Variants in ZNF490 observed in about 807,000 individuals in gnomAD.
The protein encoded by ZNF490 is zinc finger protein 490.
ZNF490 carries 11 observed loss-of-function variants against 17.7 expected under a neutral mutation model. The observed-to-expected ratio is 0.62, with a 90% CI of 0.39 to 1.03. The LOEUF (loss-of-function observed/expected upper bound fraction) is 1.03, where lower values mean the gene tolerates loss of function less well. ZNF490 is among the 50% of genes least tolerant of loss of function. ZNF490 has a pLI of 0.00. For synonymous variants in ZNF490, 222 were observed against 216.1 expected, an observed-to-expected ratio of 1.03 and a Z score of -0.24; for missense variants, 542 against 643.4, an observed-to-expected ratio of 0.84 and a Z score of 1.71.
At chr19:12,582,698 A>G (rs559660299) in intron 4 of ZNF490, 152 bp downstream of exon 4, 3 of 739,780 alleles carry the variant, frequency 4.1e-6, no homozygotes, top group South Asian at 1.5e-5. Context: ...CTGGCTGCCC[A>G]TGACAGTTTC....
At chr19:12,601,948 C>T (rs540106465) in intron 2 of ZNF490, among the ~76,000 whole-genome samples, 3 of 150,586 alleles carry the variant, frequency 2.0e-5, no homozygotes, top group East Asian at 4.0e-4. Flanking sequence ...GAGCCGAGAT[C>T]GCACCACTGC....
At chr19:12,608,885 C>T (rs2023105281) in intron 2 of ZNF490, among the ~76,000 whole-genome samples, 7 of 152,084 alleles carry the variant, frequency 4.6e-5, no homozygotes, top group Admixed American at 4.6e-4. Flanking sequence ...GCCAGGATTA[C>T]AGGCATGAGC....
At chr19:12,592,946 A>T (rs2022889692) in intron 2 of ZNF490, among the ~76,000 whole-genome samples, 1 of 152,234 alleles carries the variant, frequency 6.6e-6, no homozygotes, top group Non-Finnish European at 1.5e-5. Context: ...TGAATGAAAC[A>T]TACAACCTTT....
chr19:12,591,041 T>C (rs547643308), intron 2 of ZNF490, among the ~76,000 whole-genome samples: 1 of 151,806 alleles, frequency 6.6e-6, no homozygotes, highest in African/African-American at 2.4e-5. Context: ...TGACCTTGGG[T>C]TTGATGATGA....
chr19:12,590,070 AC>A (rs2022850908), intron 2 of ZNF490, among the ~76,000 whole-genome samples: 1 of 151,606 alleles, frequency 6.6e-6, no homozygotes, highest in African/African-American at 2.4e-5. Flanking sequence ...ATGTGCCACC[AC>A]GCCCCGCTAA....
At chr19:12,583,793 A>C (rs12327779) in intron 2 of ZNF490, among the ~76,000 whole-genome samples, 4,211 of 86,492 alleles carry the variant, frequency 0.049, 134 homozygotes, top group East Asian at 0.27. Context: ...CTCTCTCTCT[A>C]TATATATATA....
Position 12,610,641 on chromosome 19 carries a change from G to A in ZNF490, c.40C>T (p.Pro14Ser). The stretch of plus-strand genomic sequence containing the variant: ...TTGCTCTGGACTTGCTCCTCGAGGG[G>A]TCGCTCCATCTGGAAACTGAGACTG... Reference protein sequence around the residue: ...NSSLSFQMERPLEEQVQSKWS... With the variant: ...NSSLSFQMERSLEEQVQSKWS... Residue 14 changes from proline (P) to serine (S), a missense_variant, in exon 1 of 5, where the codon CCC (proline) becomes TCC (serine). Coordinates refer to ENST00000311437, the MANE Select transcript of ZNF490 (RefSeq NM_020714.3). The A allele has an allele frequency of 6.2e-7, 1 of 1,613,918 alleles. No individual in the cohort carries two copies. Among genetic ancestry groups the A allele is most frequent in the Non-Finnish European group, 8.5e-7 (1 of 1,180,000 alleles).
At position 12,580,933 on chromosome 19, in the gene ZNF490, T is replaced by C; in HGVS notation, c.1142A>G (p.Glu381Gly). The change falls in exon 5 of 5, where the codon GAA (glutamate) becomes GGA (glycine). Residue 381 changes from glutamate (E) to glycine (G), a missense_variant. By Grantham distance (98) the Glu-to-Gly change is moderately conservative. Coordinates refer to ENST00000311437, the MANE Select transcript of ZNF490 (RefSeq NM_020714.3). ...FKSSSSCEVH[E>G]RTHFGEKPYE... ...GGGTTTTTCTCCAAAATGAGTTCTT[T>C]CGTGCACTTCACAGGAACTAGATGA... The C allele has an allele frequency of 1.9e-6, 3 of 1,614,224 alleles. No individual in the cohort carries two copies. The highest frequency in any genetic ancestry group is 1.7e-6 in the Non-Finnish European group (2 of 1,180,036).
At chr19:12,607,525 A>C (rs765964405) in intron 2 of ZNF490, among the ~76,000 whole-genome samples, 8 of 151,970 alleles carry the variant, frequency 5.3e-5, no homozygotes, top group Non-Finnish European at 1.2e-4. Context: ...ATAGTAATAC[A>C]ATATAATAAC....
rs2022649882 is a variant in ZNF490 at position 12,576,964 on chromosome 19, C to T, written c.*3521G>A. Among the ~76,000 whole-genome samples the T allele has an allele frequency of 6.6e-6, 1 of 151,988 alleles. No homozygotes were observed. Among genetic ancestry groups the T allele is most frequent in the African/African-American group, 2.4e-5 (1 of 41,346 alleles). On this transcript the variant is annotated 3_prime_UTR_variant, in exon 5 of 5. Transcript: ENST00000311437. ...GGACAGACACAAATTCACAAACCCA[C>T]AGGTGTAACAGCCCAGATACTAAAA...
Position 12,578,546 on chromosome 19 carries a change from C to T in ZNF490, c.*1939G>A, listed in dbSNP as rs537735250. The T allele has an allele frequency of 3.0e-6, 3 of 985,420 alleles. No individual in the cohort carries two copies. Among genetic ancestry groups the T allele is most frequent in the East Asian group, 2.3e-4 (2 of 8,818 alleles). 61.0% of individuals were successfully genotyped at this position (985,420 alleles called of 1,614,324 possible). On this transcript the variant is annotated 3_prime_UTR_variant, in exon 5 of 5. Coordinates refer to ENST00000311437, the MANE Select transcript of ZNF490 (RefSeq NM_020714.3). ...AGATGGGAAATGGAGCTGGAGATGA[C>T]CTCAAAACAGCCCTGGAATAATGCA... is the stretch of plus-strand genomic sequence containing the variant.
chr19:12,588,198 C>A (rs1305628338), intron 2 of ZNF490, among the ~76,000 whole-genome samples: 1 of 151,946 alleles, frequency 6.6e-6, no homozygotes, highest in Admixed American at 6.6e-5. Flanking sequence ...AGGGTTTCAC[C>A]ACGTTGGTTA....
chr19:12,606,759 A>G (rs2023072850), intron 2 of ZNF490, among the ~76,000 whole-genome samples: 1 of 152,202 alleles, frequency 6.6e-6, no homozygotes, highest in Admixed American at 6.5e-5. Flanking sequence ...AAGGCCTAAA[A>G]GTCCATGACC....
rs565141406 is a variant in ZNF490 at position 12,578,908 on chromosome 19, T to C, written c.*1577A>G. On this transcript the variant is annotated 3_prime_UTR_variant, in exon 5 of 5. Coordinates refer to ENST00000311437, the MANE Select transcript of ZNF490 (RefSeq NM_020714.3). The stretch of plus-strand genomic sequence containing the variant: ...AGATGTCATTGAAGATGTTCCCATA[T>C]TGCTTACATTTAAGAAGGTGGCTCT... The C allele has an allele frequency of 2.6e-5, 26 of 985,436 alleles. No individual in the cohort carries two copies. The South Asian group carries it at 1.2e-3, about 46-fold the overall frequency. The allele number at this position is 985,436 out of a possible 1,614,324, so 61.0% of individuals were successfully genotyped here. A position where few individuals can be genotyped will look rare whatever the true frequency, so the allele number is the denominator to read the frequency against.
intron 1 of ZNF490, 142 bp from the exon 2 acceptor site, chr19:12,609,344 C>T: frequency 1.5e-6 from 1 of 667,974 alleles, no homozygotes; most frequent in Non-Finnish European, 2.6e-6. Flanking sequence ...TGGGAGTTTT[C>T]AAGATTACAC....
At chr19:12,602,079 TACACACACACAC>T (rs61568541) in intron 2 of ZNF490, among the ~76,000 whole-genome samples, 44 of 68,646 alleles carry the variant, frequency 6.4e-4, no homozygotes, top group Middle Eastern at 6.9e-3. Context: ...GTTCACTATA[TACACACACACAC>T]ACACACACAC....
intron 2 of ZNF490, among the ~76,000 whole-genome samples, chr19:12,607,933 T>C (rs965713275): frequency 4.6e-5 from 7 of 152,184 alleles, no homozygotes; most frequent in East Asian, 1.9e-4. Context: ...GGCAAGTTCC[T>C]GGCCAGAAAA....
chr19:12,581,592 A>G lies in ZNF490; in HGVS notation c.483T>C (p.Cys161=). ...AGACCTGATGCATGAAGACTTCCCC[A>G]CACACACTGCAGTCACATGGTTTTA... ...TGLKPCDCSV[C]GEVFMHQVSL... is the part of the protein sequence containing the mutation. Residue 161 remains cysteine (C), a synonymous_variant, in exon 5 of 5, where the codon TGT becomes TGC. Coordinates refer to ENST00000311437, the MANE Select transcript of ZNF490 (RefSeq NM_020714.3). 6.2e-7 allele frequency: 1 copy of G among 1,614,188 alleles called. No homozygotes were observed. The highest frequency in any genetic ancestry group is 1.7e-5 in the Admixed American group (1 of 60,004).
At chr19:12,601,959 A>C (rs970727912) in intron 2 of ZNF490, among the ~76,000 whole-genome samples, 2 of 151,836 alleles carry the variant, frequency 1.3e-5, no homozygotes, top group Admixed American at 1.3e-4. Context: ...GCACCACTGC[A>C]CTCCAGCCTG....
Sources: gnomAD v4.1 joint callset for allele counts (sites outside exome capture counted in the v4.1 genomes callset) on GRCh38, gnomAD v4.1.1 for gene constraint, MANE v1.5 for transcripts, NCBI Gene and HGNC (gene_info 2026-07-23, HGNC 2026-07-21) for gene names.